The following RREB1 variants were observed in gnomAD, a reference collection of about 807,000 sequenced individuals.
RREB1 encodes ras responsive element binding protein 1.
In RREB1, 27 loss-of-function variants were observed where a neutral mutation model predicts 117.8. That is an observed-to-expected ratio of 0.23 (90% CI 0.17 to 0.32). The LOEUF (loss-of-function observed/expected upper bound fraction) is 0.32. Ranked by LOEUF, RREB1 falls within the 10% of genes least tolerant of loss-of-function variation. RREB1 has a pLI of 1.00. For missense variants in RREB1, 2,577 were observed against 2,378.2 expected (o/e 1.08, Z -1.74); for synonymous variants, 1,298 against 1,026.7 (o/e 1.26, Z -5.05).
At chr6:7,233,345 A>G (rs868759299) in intron 10 of RREB1, among the ~76,000 whole-genome samples, 4 of 152,178 alleles carry the variant, frequency 2.6e-5, no homozygotes, top group African/African-American at 9.7e-5. Flanking sequence ...AATTTTCTAA[A>G]TTTTCTCAGT....
rs536047199 is a variant in RREB1 at position 7,231,965 on chromosome 6, C to T, written c.3808+58C>T. 2.4e-4 allele frequency: 360 copies of T among 1,493,576 alleles called. 2 individuals are homozygous for T. In the African/African-American group the frequency reaches 3.5e-3, roughly 14 times the overall value. 92.5% of individuals were successfully genotyped at this position (1,493,576 alleles called of 1,614,324 possible). A position where few individuals can be genotyped will look rare whatever the true frequency, so the allele number is the denominator to read the frequency against. On this transcript the variant is annotated intron_variant, in intron 10 of 12. Coordinates refer to ENST00000379938, the MANE Select transcript of RREB1 (RefSeq NM_001003699.4). ...TCCTACTTCCTGGTAGGGGGAGCCA[C>T]GAGTGGGGGTCAAAAGCGAGACCCA...
chr6:7,203,189 G>A (rs1251861500), intron 6 of RREB1, among the ~76,000 whole-genome samples: 4 of 152,088 alleles, frequency 2.6e-5, no homozygotes, highest in African/African-American at 9.7e-5. Flanking sequence ...GTCAGGAGAG[G>A]AGGAAGGAGC....
At position 7,246,546 on chromosome 6, in the gene RREB1, G is replaced by T; in HGVS notation, c.4096G>T (p.Val1366Leu). Residue 1366 changes from valine to leucine, a missense_variant, in exon 12 of 13, where the codon GTG becomes TTG. Coordinates refer to ENST00000379938, the MANE Select transcript of RREB1 (RefSeq NM_001003699.4). ...CCGCCAGGTCGCAGGGGATGCGCCT[G>T]TGGAGCAGGCCACGGCGGAAACGGC... ...ELRQVAGDAPVEQATAETASP... is the reference protein window; with the variant it reads ...ELRQVAGDAPLEQATAETASP... 6.5e-7 allele frequency: 1 copy of T among 1,548,364 alleles called. No homozygotes were observed.
At chr6:7,191,494 A>C (rs1328722351) in intron 6 of RREB1, among the ~76,000 whole-genome samples, 1 of 152,132 alleles carries the variant, frequency 6.6e-6, no homozygotes, top group African/African-American at 2.4e-5. Context: ...TAGGAATGGA[A>C]TTGCTGGGTC....
intron 1 of RREB1, among the ~76,000 whole-genome samples, chr6:7,155,246 C>G (rs1162848842): frequency 6.6e-6 from 1 of 152,208 alleles, no homozygotes; most frequent in African/African-American, 2.4e-5. Context: ...AGGCCTGATT[C>G]CATCAGGTGG....
chr6:7,200,242 ATATGTGTGTG>A (rs1561776873), intron 6 of RREB1, among the ~76,000 whole-genome samples: 1 of 104,448 alleles, frequency 9.6e-6, no homozygotes, highest in South Asian at 3.6e-4. Context: ...GTATGTGTGT[ATATGTGTGTG>A]TGTGTGTGTG....
chr6:7,148,184 T>G (rs1455106144), intron 1 of RREB1, among the ~76,000 whole-genome samples: 1 of 152,138 alleles, frequency 6.6e-6, no homozygotes, highest in Non-Finnish European at 1.5e-5. Flanking sequence ...ACTCCTACCT[T>G]GATTCCCATT....
chr6:7,176,814 G>C (rs777574371), intron 2 of RREB1, 41 bp downstream of exon 2: 3 of 152,560 alleles, frequency 2.0e-5, no homozygotes, highest in Non-Finnish European at 2.9e-5. Context: ...TCACAATAAT[G>C]TTGAACGTCG....
intron 1 of RREB1, among the ~76,000 whole-genome samples, chr6:7,122,350 C>T (rs1361863613): frequency 2.6e-5 from 4 of 152,222 alleles, no homozygotes; most frequent in Non-Finnish European, 5.9e-5. Flanking sequence ...ACTGCAGTCT[C>T]GACCTCCCAG....
chr6:7,132,675 C>T (rs1372389557), intron 1 of RREB1, among the ~76,000 whole-genome samples: 1 of 152,168 alleles, frequency 6.6e-6, no homozygotes, highest in African/African-American at 2.4e-5. Flanking sequence ...AGCTTTTGCT[C>T]TTCACACACA....
chr6:7,195,398 A>G (rs1270515598), intron 6 of RREB1, among the ~76,000 whole-genome samples: 1 of 152,214 alleles, frequency 6.6e-6, no homozygotes, highest in Non-Finnish European at 1.5e-5. Flanking sequence ...TGTGCCAGAG[A>G]GAATGGAGTT....
chr6:7,203,537 T>A (rs1766104491), intron 6 of RREB1, among the ~76,000 whole-genome samples: 1 of 152,112 alleles, frequency 6.6e-6, no homozygotes, highest in Admixed American at 6.5e-5. Context: ...TGGTCCAGCC[T>A]GGAGAACCAT....
At chr6:7,124,569 AAT>A (rs1212155901) in intron 1 of RREB1, among the ~76,000 whole-genome samples, 3 of 152,214 alleles carry the variant, frequency 2.0e-5, no homozygotes, top group Admixed American at 2.0e-4. Flanking sequence ...AGTACTTTTA[AAT>A]AAGTTCAACT....
In RREB1 at chr6:7,137,535, G is replaced by A. The variant is rs529155077; in HGVS notation, c.-285+29475G>A. Among the ~76,000 whole-genome samples the A allele has an allele frequency of 3.3e-5, 5 of 152,372 alleles. No individual in the cohort carries two copies. The South Asian group carries it at 1.0e-3, about 32-fold the overall frequency. On this transcript the variant is annotated intron_variant, in intron 1 of 12. Coordinates refer to ENST00000379938, the MANE Select transcript of RREB1 (RefSeq NM_001003699.4). ...TTTTTGGATGCCAAACACATAGGCA[G>A]ATGAAACTAAGAAGCCAGATGCTAA...
intron 1 of RREB1, among the ~76,000 whole-genome samples, chr6:7,151,227 T>C (rs762992241): frequency 3.3e-5 from 5 of 152,170 alleles, no homozygotes; most frequent in Admixed American, 1.3e-4. Flanking sequence ...CTGACTAAAA[T>C]TGCTTTTACT....
intron 1 of RREB1, among the ~76,000 whole-genome samples, 158 bp from the exon 2 acceptor site, chr6:7,176,497 T>C (rs1343326680): frequency 6.6e-6 from 1 of 152,224 alleles, no homozygotes; most frequent in Non-Finnish European, 1.5e-5. Flanking sequence ...GGGACAACTC[T>C]GGATGGAATC....
rs111931543 is a variant in RREB1 at position 7,193,733 on chromosome 6, A to G, written c.425+4411A>G. Among the ~76,000 whole-genome samples the G allele has an allele frequency of 9.1e-3, 1,394 of 152,354 alleles. 26 individuals carry two copies. The highest frequency in any genetic ancestry group is 0.031 in the African/African-American group (1,301 of 41,582). On this transcript the variant is annotated intron_variant, in intron 6 of 12. Transcript: ENST00000379938. ...TACACCTTATACACATAGCCTGAAC[A>G]TAATTGTATGCAATATTTTTGATAA...
chr6:7,182,142 A>G, intron 4 of RREB1, 60 bp downstream of exon 4: 1 of 1,414,028 alleles, frequency 7.1e-7, no homozygotes, highest in Non-Finnish European at 9.8e-7. Flanking sequence ...ACATTGGGAG[A>G]TGTTTCCGAG....
chr6:7,237,485 C>T (rs1232746810), intron 10 of RREB1, among the ~76,000 whole-genome samples: 2 of 152,088 alleles, frequency 1.3e-5, no homozygotes, highest in African/African-American at 4.8e-5. Context: ...CCGTTGGCCT[C>T]CCAAAGTGCT....
Sources: allele counts gnomAD v4.1 joint callset (sites outside exome capture counted in the v4.1 genomes callset), GRCh38; gene constraint gnomAD v4.1.1; transcripts MANE v1.5; gene names NCBI Gene and HGNC (gene_info 2026-07-23, HGNC 2026-07-21).